The following CDH13 variants were observed in gnomAD, a reference collection of about 807,000 sequenced individuals.
CDH13 encodes the protein cadherin 13, also known as cadherin-13.
A neutral mutation model predicts 63.8 loss-of-function variants in CDH13; 24 were observed. The ratio of observed to expected loss-of-function variants is 0.38; its 90% CI spans 0.27 to 0.53. The LOEUF is 0.53. CDH13 is among the 20% of genes least tolerant of loss of function. The pLI is 0.85. For synonymous variants in CDH13, 503 were observed against 355.3 expected (o/e 1.42, Z -4.67); for missense variants, 1,049 against 903.1 (o/e 1.16, Z -2.07).
chr16:83,742,473 TG>T (rs1912160360), intron 10 of CDH13, among the ~76,000 whole-genome samples: 1 of 152,164 alleles, frequency 6.6e-6, no homozygotes, highest in Admixed American at 6.5e-5. Context: ...ACAGATAAAT[TG>T]CCCGGAAATT....
chr16:83,673,325 C>T (rs1380170800), intron 9 of CDH13, among the ~76,000 whole-genome samples: 2 of 152,148 alleles, frequency 1.3e-5, no homozygotes, highest in Admixed American at 6.5e-5. Flanking sequence ...TATCCCCTAC[C>T]AAATTTTGGC....
In CDH13 at chr16:83,515,968, A is replaced by G. The variant is rs554073620; in HGVS notation, c.960+29313A>G. ...TGGGTATAATATTATCTTGTTATCC[A>G]TGTTCTTTGTATTAGCTGAATTATT... On this transcript the variant is annotated intron_variant, in intron 7 of 13. Coordinates refer to ENST00000567109, the MANE Select transcript of CDH13 (RefSeq NM_001257.5). 6.6e-5 allele frequency among the ~76,000 whole-genome samples: 10 copies of G among 152,336 alleles called. No homozygotes were observed. The East Asian group carries it at 1.5e-3, about 23-fold the overall frequency.
intron 3 of CDH13, among the ~76,000 whole-genome samples, chr16:83,079,332 T>G (rs1055053776): frequency 2.0e-5 from 3 of 152,306 alleles, no homozygotes; most frequent in African/African-American, 7.2e-5. Flanking sequence ...ATTCATATTC[T>G]TCTTATTGTT....
At chr16:83,091,871 G>T (rs1343506599) in intron 3 of CDH13, among the ~76,000 whole-genome samples, 4 of 152,080 alleles carry the variant, frequency 2.6e-5, no homozygotes, top group African/African-American at 7.2e-5. Flanking sequence ...TACTCCAAAG[G>T]GTTTGAAGCA....
chr16:82,894,492 A>G (rs142822781), intron 2 of CDH13, among the ~76,000 whole-genome samples: 2,654 of 152,254 alleles, frequency 0.017, 74 homozygotes, highest in African/African-American at 0.06. Context: ...TAATACAAAA[A>G]TTAGCCAGGC....
At chr16:82,678,889 C>G (rs545363450) in intron 1 of CDH13, among the ~76,000 whole-genome samples, 1 of 152,228 alleles carries the variant, frequency 6.6e-6, no homozygotes, top group East Asian at 1.9e-4. Flanking sequence ...CTGCCCTCAG[C>G]CTAGAAAGAA....
intron 3 of CDH13, among the ~76,000 whole-genome samples, chr16:83,070,901 T>C (rs369545986): frequency 1.2e-4 from 17 of 145,106 alleles, no homozygotes; most frequent in African/African-American, 4.0e-4. Flanking sequence ...AGGAGTTTAT[T>C]TATTGCTCAT....
At chr16:83,224,482 C>A (rs1184943025) in intron 5 of CDH13, among the ~76,000 whole-genome samples, 1 of 152,206 alleles carries the variant, frequency 6.6e-6, no homozygotes, top group African/African-American at 2.4e-5. Context: ...GTTCTCAAAC[C>A]TGTGATCTTC....
chr16:83,171,375 C>A lies in CDH13; in HGVS notation c.483+45874C>A, dbSNP rs534815372. 128 of 681,738 alleles carry A rather than the reference C, an allele frequency of 1.9e-4. No homozygotes were observed. In the East Asian group the frequency reaches 2.6e-3, roughly 14 times the overall value. 42.2% of individuals were successfully genotyped at this position (681,738 alleles called of 1,614,324 possible). On this transcript the variant is annotated intron_variant, in intron 4 of 13. Transcript: ENST00000567109. Reference sequence around the variant, plus strand: ...TGCACCCCCATGATCCAGTCACCTGCCACCAGGCCCCACCTCCAACATGGG... The same window carrying A: ...TGCACCCCCATGATCCAGTCACCTGACACCAGGCCCCACCTCCAACATGGG...
At chr16:83,407,050 C>T (rs1394056297) in intron 6 of CDH13, among the ~76,000 whole-genome samples, 3 of 152,308 alleles carry the variant, frequency 2.0e-5, no homozygotes, top group East Asian at 1.9e-4. Flanking sequence ...TCTTGGCCTT[C>T]AAAAGATTTC....
intron 3 of CDH13, among the ~76,000 whole-genome samples, chr16:83,035,626 G>A (rs1402647680): frequency 5.9e-5 from 9 of 152,304 alleles, no homozygotes; most frequent in East Asian, 5.8e-4. Flanking sequence ...CCCTGAGTCC[G>A]TGCCTCCAAC....
chr16:83,263,644 A>G (rs1474237575), intron 5 of CDH13, among the ~76,000 whole-genome samples: 2 of 152,216 alleles, frequency 1.3e-5, no homozygotes, highest in Non-Finnish European at 2.9e-5. Flanking sequence ...GATTAAAACC[A>G]TTACCACTGC....
chr16:82,910,749 G>C (rs2041805106), intron 2 of CDH13, among the ~76,000 whole-genome samples: 1 of 152,166 alleles, frequency 6.6e-6, no homozygotes, highest in Admixed American at 6.5e-5. Context: ...GATTCACAGT[G>C]TTTAAAAGGA....
At chr16:83,672,816 A>G (rs1047134836) in intron 9 of CDH13, among the ~76,000 whole-genome samples, 4 of 152,110 alleles carry the variant, frequency 2.6e-5, no homozygotes, top group African/African-American at 7.2e-5. Flanking sequence ...GGAGATGTCT[A>G]TTTACCCAAG....
At chr16:83,310,402 A>G (rs971381080) in intron 5 of CDH13, among the ~76,000 whole-genome samples, 1 of 152,224 alleles carries the variant, frequency 6.6e-6, no homozygotes, top group Non-Finnish European at 1.5e-5. Flanking sequence ...GTGTGTGGGT[A>G]CATGTGTGCA....
intron 6 of CDH13, among the ~76,000 whole-genome samples, chr16:83,428,511 A>G (rs1597997438): frequency 6.6e-6 from 1 of 152,162 alleles, no homozygotes; most frequent in South Asian, 2.1e-4. Flanking sequence ...TGGCATGGAG[A>G]TAACAATAAC....
Position 83,623,491 on chromosome 16 carries a change from C to T in CDH13, c.1101+20897C>T, listed in dbSNP as rs137987066. 5.3e-3 allele frequency among the ~76,000 whole-genome samples: 801 copies of T among 152,280 alleles called. 10 individuals are homozygous for T. The highest frequency in any genetic ancestry group is 0.018 in the African/African-American group (753 of 41,526). ...CTTCACTCATCATGGTCGTCCCCTTCGGCCTCGGAGCGGTGTGCACAGAGG... is the reference window on the plus strand; with the variant it reads ...CTTCACTCATCATGGTCGTCCCCTTTGGCCTCGGAGCGGTGTGCACAGAGG... On this transcript the variant is annotated intron_variant, in intron 8 of 13. Transcript: ENST00000567109.
intron 6 of CDH13, among the ~76,000 whole-genome samples, chr16:83,384,781 C>T (rs1024288595): frequency 7.9e-5 from 12 of 152,220 alleles, no homozygotes; most frequent in South Asian, 2.1e-4. Flanking sequence ...TTCAGGCATG[C>T]GCTTGGCTTT....
chr16:83,233,001 C>G (rs966696995), intron 5 of CDH13, among the ~76,000 whole-genome samples: 10 of 152,172 alleles, frequency 6.6e-5, no homozygotes, highest in African/African-American at 2.4e-4. Flanking sequence ...TAAGTCCAGT[C>G]TGGGACAGGC....
Sources: gnomAD v4.1 joint callset for allele counts (sites outside exome capture counted in the v4.1 genomes callset) on GRCh38, gnomAD v4.1.1 for gene constraint, MANE v1.5 for transcripts, NCBI Gene and HGNC (gene_info 2026-07-23, HGNC 2026-07-21) for gene names.